HCN1: variants seen among roughly 807,000 people sequenced by gnomAD.
The protein encoded by HCN1 is potassium/sodium hyperpolarization-activated cyclic nucleotide-gated channel 1.
A neutral mutation model predicts 78.9 loss-of-function variants in HCN1; 13 were observed. The ratio of observed to expected loss-of-function variants is 0.16; its 90% confidence interval spans 0.11 to 0.26. The LOEUF (loss-of-function observed/expected upper bound fraction) is 0.26, where lower values mean the gene tolerates loss of function less well. Among genes scored for constraint, HCN1 ranks in the 10% least tolerant of loss-of-function variants. The probability of loss-of-function intolerance (pLI) is 1.00; values close to 1 mark genes in which losing one functional copy is unlikely to be tolerated. For synonymous variants in HCN1, 552 were observed against 455.5 expected (o/e 1.21, Z -2.70); for missense variants, 810 against 1,154.3 (o/e 0.70, Z 4.32).
intron 5 of HCN1, among the ~76,000 whole-genome samples, chr5:45,341,858 A>G (rs1007810859): frequency 2.6e-5 from 4 of 152,214 alleles, no homozygotes; most frequent in African/African-American, 9.6e-5. Context: ...TTCCACCACT[A>G]CAACACTCCC....
chr5:45,658,639 TG>T (rs1021627174), intron 1 of HCN1, among the ~76,000 whole-genome samples: 7 of 151,638 alleles, frequency 4.6e-5, no homozygotes, highest in Non-Finnish European at 1.0e-4. Context: ...TTGCCTCACC[TG>T]GGAAGCGCAA....
intron 2 of HCN1, among the ~76,000 whole-genome samples, chr5:45,598,989 T>G (rs1190599440): frequency 6.6e-6 from 1 of 152,204 alleles, no homozygotes; most frequent in East Asian, 1.9e-4. Flanking sequence ...GTTCAACCAT[T>G]GTGGAGCACA....
At chr5:45,363,145 C>CATAT (rs34074894) in intron 4 of HCN1, among the ~76,000 whole-genome samples, 2,765 of 131,186 alleles carry the variant, frequency 0.021, 48 homozygotes, top group African/African-American at 0.05. Context: ...TATATATATA[C>CATAT]ATATATATAT....
At chr5:45,400,578 A>G (rs1195816805) in intron 3 of HCN1, among the ~76,000 whole-genome samples, 1 of 151,538 alleles carries the variant, frequency 6.6e-6, no homozygotes, top group Admixed American at 6.6e-5. Context: ...TTTAGTAGAG[A>G]CGGGGTTTCA....
chr5:45,402,407 C>CTAAT (rs1561141647), intron 3 of HCN1, among the ~76,000 whole-genome samples: 4 of 151,992 alleles, frequency 2.6e-5, no homozygotes, highest in African/African-American at 9.7e-5. Context: ...GGCAGAGGTG[C>CTAAT]TATTAATATC....
At chr5:45,376,309 AAT>A (rs1747672340) in intron 4 of HCN1, among the ~76,000 whole-genome samples, 2 of 2,782 alleles carry the variant, frequency 7.2e-4, no homozygotes, top group East Asian at 9.3e-3. Context: ...TTATATATAA[AAT>A]ATGTTATATT....
At chr5:45,465,699 G>A (rs1370468439) in intron 2 of HCN1, among the ~76,000 whole-genome samples, 2 of 152,044 alleles carry the variant, frequency 1.3e-5, no homozygotes, top group East Asian at 3.9e-4. Flanking sequence ...AGGTTGCAGT[G>A]AGTCGAGATC....
intron 2 of HCN1, among the ~76,000 whole-genome samples, chr5:45,466,060 C>A (rs139994424): frequency 6.6e-6 from 1 of 152,084 alleles, no homozygotes; most frequent in Non-Finnish European, 1.5e-5. Flanking sequence ...TTAATATTTG[C>A]GAATCGTTCA....
intron 5 of HCN1, among the ~76,000 whole-genome samples, chr5:45,331,816 A>G (rs1746350117): frequency 6.6e-6 from 1 of 151,528 alleles, no homozygotes; most frequent in Admixed American, 6.6e-5. Flanking sequence ...CATCAAAATC[A>G]CTACCACCAC....
At position 45,696,213 on chromosome 5, in the gene HCN1, CGCG is replaced by C. The variant is rs745670367; in HGVS notation, c.-123_-121del. 1.8e-3 allele frequency: 729 copies of C among 406,312 alleles called. No homozygotes were observed. The highest frequency in any genetic ancestry group is 4.1e-3 in the Middle Eastern group (4 of 966). The allele number at this position is 406,312 out of a possible 1,614,324, so 25.2% of individuals were successfully genotyped here. A position where few individuals can be genotyped will look rare whatever the true frequency, so the allele number is the denominator to read the frequency against. On this transcript the variant is annotated 5_prime_UTR_variant, in exon 1 of 8. Transcript: ENST00000303230. ...GCTGCCGGCGAGCCCAGCTGCCCGT[CGCG>C]GCGGCGGCGGCGGCGGCGGCGGCTG... is the stretch of plus-strand genomic sequence containing the variant.
At chr5:45,407,601 C>T (rs562483689) in intron 3 of HCN1, among the ~76,000 whole-genome samples, 1 of 152,190 alleles carries the variant, frequency 6.6e-6, no homozygotes, top group East Asian at 1.9e-4. Context: ...CTCACTGCAA[C>T]CTCCGCCTAC....
At chr5:45,623,442 C>A (rs1278505654) in intron 2 of HCN1, among the ~76,000 whole-genome samples, 1 of 152,098 alleles carries the variant, frequency 6.6e-6, no homozygotes, top group Non-Finnish European at 1.5e-5. Flanking sequence ...TTATCTAATA[C>A]CCTTTGTTTG....
intron 3 of HCN1, among the ~76,000 whole-genome samples, chr5:45,436,931 A>G (rs1740570383): frequency 6.6e-6 from 1 of 152,242 alleles, no homozygotes; most frequent in Admixed American, 6.5e-5. Flanking sequence ...TAAATAATAC[A>G]GTAAATGAAA....
intron 3 of HCN1, among the ~76,000 whole-genome samples, chr5:45,424,955 A>G (rs1393361283): frequency 6.6e-6 from 1 of 152,218 alleles, no homozygotes; most frequent in East Asian, 1.9e-4. Flanking sequence ...TTTTCAATCA[A>G]GGGGTCATTT....
chr5:45,601,611 G>C (rs542185836), intron 2 of HCN1, among the ~76,000 whole-genome samples: 2 of 152,098 alleles, frequency 1.3e-5, no homozygotes, highest in African/African-American at 4.8e-5. Flanking sequence ...CGGACTTTTT[G>C]ATATTTGTTT....
intron 6 of HCN1, among the ~76,000 whole-genome samples, chr5:45,269,705 C>T (rs1163152784): frequency 6.6e-6 from 1 of 152,092 alleles, no homozygotes; most frequent in African/African-American, 2.4e-5. Context: ...ACTGACATTT[C>T]CCCCCACTAT....
At chr5:45,551,428 T>C (rs557320756) in intron 2 of HCN1, among the ~76,000 whole-genome samples, 1 of 151,730 alleles carries the variant, frequency 6.6e-6, no homozygotes, top group South Asian at 2.1e-4. Context: ...AGTTTAAGTT[T>C]CTAGACAAAA....
At chr5:45,526,428 T>G (rs962983070) in intron 2 of HCN1, among the ~76,000 whole-genome samples, 1 of 152,094 alleles carries the variant, frequency 6.6e-6, no homozygotes, top group African/African-American at 2.4e-5. Context: ...TCGGCCTTCA[T>G]GCACTTTTCA....
At chr5:45,305,500 C>T (rs1467401845) in intron 5 of HCN1, among the ~76,000 whole-genome samples, 1 of 152,078 alleles carries the variant, frequency 6.6e-6, no homozygotes, top group Non-Finnish European at 1.5e-5. Flanking sequence ...GTACTTGGTG[C>T]ATCATTATTC....
Sources: gnomAD v4.1 joint callset for allele counts (sites outside exome capture counted in the v4.1 genomes callset) on GRCh38, gnomAD v4.1.1 for gene constraint, MANE v1.5 for transcripts, NCBI Gene and HGNC (gene_info 2026-07-23, HGNC 2026-07-21) for gene names.